ZFYVE27: variants seen among roughly 807,000 people sequenced by gnomAD.
ZFYVE27 encodes protrudin.
In ZFYVE27, 36 loss-of-function variants were observed where a neutral mutation model predicts 52.8. That is an observed-to-expected ratio of 0.68 (90% confidence interval 0.52 to 0.90). ZFYVE27 has a LOEUF of 0.90. Ranked by LOEUF, ZFYVE27 falls within the 40% of genes least tolerant of loss-of-function variation. The probability of loss-of-function intolerance (pLI) is 0.00; values close to 1 mark genes in which losing one functional copy is unlikely to be tolerated. For missense variants in ZFYVE27, 450 were observed against 527.2 expected, an observed-to-expected ratio of 0.85 and a Z score of 1.43; for synonymous variants, 223 against 215.6, an observed-to-expected ratio of 1.03 and a Z score of -0.30.
At chr10:97,753,628 G>T (rs999075818) in intron 10 of ZFYVE27, among the ~76,000 whole-genome samples, 4 of 152,156 alleles carry the variant, frequency 2.6e-5, no homozygotes, top group African/African-American at 9.7e-5. Flanking sequence ...GTAAAAGGGG[G>T]ATCATCATTC....
Position 97,760,062 on chromosome 10 carries a change from TC to T in ZFYVE27, c.*764del, listed in dbSNP as rs1402018062. On this transcript the variant is annotated 3_prime_UTR_variant, in exon 13 of 13. Transcript: ENST00000684270. ...CACACAATGCCCCAGTGTCCCCAGC[TC>T]CGCTGGAGCAGCTGCAGGGCACTTG... 1 of 153,378 alleles carries T rather than the reference TC, an allele frequency of 6.5e-6. No homozygotes were observed. The highest frequency in any genetic ancestry group is 2.4e-5 in the African/African-American group (1 of 41,468). The allele number at this position is 153,378 out of a possible 1,614,324, so 9.5% of individuals were successfully genotyped here.
intron 2 of ZFYVE27, among the ~76,000 whole-genome samples, chr10:97,739,441 A>C (rs940244638): frequency 6.6e-6 from 1 of 152,106 alleles, no homozygotes; most frequent in Non-Finnish European, 1.5e-5. Flanking sequence ...TTCATTCTCT[A>C]TAATTTTCAT....
At chr10:97,748,621 CTT>C (rs1395714667) in intron 5 of ZFYVE27, among the ~76,000 whole-genome samples, 7 of 152,172 alleles carry the variant, frequency 4.6e-5, no homozygotes, top group Non-Finnish European at 1.0e-4. Flanking sequence ...AGCCGAATCT[CTT>C]GTTTGTTTTG....
At chr10:97,740,365 A>G (rs1371176327) in intron 2 of ZFYVE27, among the ~76,000 whole-genome samples, 1 of 152,206 alleles carries the variant, frequency 6.6e-6, no homozygotes, top group Non-Finnish European at 1.5e-5. Flanking sequence ...TCTTCCCACA[A>G]GGGGTAGGGA....
chr10:97,749,927 T>C, intron 6 of ZFYVE27: 2 of 415,734 alleles, frequency 4.8e-6, no homozygotes, highest in Non-Finnish European at 9.0e-6. Context: ...CCACCTGGAG[T>C]TGCTACCACA....
chr10:97,751,953 G>T (rs1478048049), intron 8 of ZFYVE27, among the ~76,000 whole-genome samples: 3 of 152,228 alleles, frequency 2.0e-5, no homozygotes, highest in Non-Finnish European at 2.9e-5. Flanking sequence ...GTTTGCAGAA[G>T]TGTTTTATTT....
chr10:97,746,013 T>TTATATATATATACACATATATATATA (rs2045238133), intron 4 of ZFYVE27, among the ~76,000 whole-genome samples: 2 of 146,728 alleles, frequency 1.4e-5, no homozygotes, highest in South Asian at 2.1e-4. Context: ...TGAAATAGTT[T>TTATATATATATACACATATATATATA]TATATATATA....
At chr10:97,747,707 A>G (rs1054531545) in intron 4 of ZFYVE27, among the ~76,000 whole-genome samples, 10 of 152,048 alleles carry the variant, frequency 6.6e-5, no homozygotes, top group African/African-American at 2.4e-4. Flanking sequence ...GTACAACAGG[A>G]TGGTCAAATT....
intron 10 of ZFYVE27, 60 bp from the exon 11 acceptor site, chr10:97,757,205 G>C: frequency 6.2e-7 from 1 of 1,611,302 alleles, no homozygotes; most frequent in South Asian, 1.1e-5. Context: ...AGCGCCAGGA[G>C]CAGGTGAGCG....
intron 8 of ZFYVE27, 71 bp from the exon 9 acceptor site, chr10:97,752,786 A>AG: frequency 6.4e-7 from 1 of 1,568,736 alleles, no homozygotes; most frequent in Non-Finnish European, 8.7e-7. Context: ...GGGCCCCTCC[A>AG]GGTAGCTTCT....
At chr10:97,744,550 A>G (rs745757353) in intron 3 of ZFYVE27, among the ~76,000 whole-genome samples, 179 bp from the exon 4 acceptor site, 2 of 152,246 alleles carry the variant, frequency 1.3e-5, no homozygotes, top group Non-Finnish European at 1.5e-5. Flanking sequence ...TCTATGAGGA[A>G]TGAAGCTGGG....
intron 11 of ZFYVE27, among the ~76,000 whole-genome samples, 153 bp downstream of exon 11, chr10:97,757,464 T>C (rs1047558966): frequency 6.6e-6 from 1 of 152,170 alleles, no homozygotes; most frequent in African/African-American, 2.4e-5. Context: ...CCTGCGCCTG[T>C]GCCACCTTTT....
At chr10:97,743,673 G>GT (rs2044382185) in intron 3 of ZFYVE27, among the ~76,000 whole-genome samples, 1 of 152,210 alleles carries the variant, frequency 6.6e-6, no homozygotes. Flanking sequence ...TGCCATATCT[G>GT]TTGCTTTTCT....
chr10:97,754,709 A>G (rs1031110404), intron 10 of ZFYVE27: 1 of 1,289,152 alleles, frequency 7.8e-7, no homozygotes, highest in African/African-American at 1.5e-5. Flanking sequence ...GTGTGATCTC[A>G]TTTCATCCTT....
intron 2 of ZFYVE27, among the ~76,000 whole-genome samples, chr10:97,739,501 T>C (rs2043014192): frequency 6.6e-6 from 1 of 152,224 alleles, no homozygotes; most frequent in Admixed American, 6.5e-5. Context: ...AAATTACTTA[T>C]ATGGCATTCT....
chr10:97,746,554 C>T (rs1300971887), intron 4 of ZFYVE27, among the ~76,000 whole-genome samples: 1 of 152,204 alleles, frequency 6.6e-6, no homozygotes, highest in Non-Finnish European at 1.5e-5. Flanking sequence ...AGGACATTCT[C>T]TTAAATATCC....
Position 97,759,676 on chromosome 10 carries a change from A to C in ZFYVE27, c.*376A>C. On this transcript the variant is annotated 3_prime_UTR_variant, in exon 13 of 13. Transcript: ENST00000684270. ...CAGGGTCAGTGTGGCTGTGCCTGGG[A>C]ATTCCAGACCTGAGGTTGGGAAAAG... 3.1e-6 allele frequency: 1 copy of C among 325,500 alleles called. No homozygotes were observed. The highest frequency in any genetic ancestry group is 6.0e-6 in the Non-Finnish European group (1 of 166,286). The allele number at this position is 325,500 out of a possible 1,614,324, so 20.2% of individuals were successfully genotyped here. A position where few individuals can be genotyped will look rare whatever the true frequency, so the allele number is the denominator to read the frequency against.
chr10:97,757,538 C>T, intron 11 of ZFYVE27, 104 bp from the exon 12 acceptor site: 6 of 1,389,634 alleles, frequency 4.3e-6, no homozygotes, highest in Non-Finnish European at 6.1e-6. Flanking sequence ...ACCCCCCAGG[C>T]CCAGTTTCCT....
chr10:97,749,640 C>T (rs2046391696), intron 6 of ZFYVE27, 54 bp downstream of exon 6: 1 of 1,408,618 alleles, frequency 7.1e-7, no homozygotes, highest in South Asian at 1.2e-5. Context: ...GAGGGCTAGG[C>T]TAGGCTCCCC....
Sources: gnomAD v4.1 joint callset for allele counts (sites outside exome capture counted in the v4.1 genomes callset) on GRCh38, gnomAD v4.1.1 for gene constraint, MANE v1.5 for transcripts, NCBI Gene and HGNC (gene_info 2026-07-23, HGNC 2026-07-21) for gene names.